Variants in C14orf180 observed in about 807,000 individuals in gnomAD.
C14orf180 encodes chromosome 14 open reading frame 180.
In C14orf180, 13 loss-of-function variants were observed where a neutral mutation model predicts 13.9. The observed-to-expected ratio is 0.94, with a 90% CI of 0.61 to 1.49. C14orf180 has a LOEUF of 1.49. C14orf180 is among the 40% of genes most tolerant of loss of function. C14orf180 has a pLI of 0.00. For synonymous variants in C14orf180, 113 were observed against 106.3 expected (o/e 1.06, Z -0.39); for missense variants, 238 against 232.0 (o/e 1.03, Z -0.17).
At chr14:104,585,169 G>A (rs1355817909) in intron 1 of C14orf180, among the ~76,000 whole-genome samples, 1 of 152,204 alleles carries the variant, frequency 6.6e-6, no homozygotes, top group Non-Finnish European at 1.5e-5. Context: ...GGGCAGGGGC[G>A]GCAGTACCCT....
At chr14:104,588,002 C>A in intron 3 of C14orf180, 124 bp downstream of exon 3, 1 of 1,260,074 alleles carries the variant, frequency 7.9e-7, no homozygotes, top group Non-Finnish European at 1.1e-6. Flanking sequence ...TGGCCACCTG[C>A]CTTCAGTGCC....
At chr14:104,582,567 ACTC>A in intron 1 of C14orf180, among the ~76,000 whole-genome samples, 1 of 151,304 alleles carries the variant, frequency 6.6e-6, no homozygotes, top group Admixed American at 6.6e-5. Flanking sequence ...CCGGGCCCTG[ACTC>A]CCGCCTCTGT....
intron 1 of C14orf180, among the ~76,000 whole-genome samples, chr14:104,580,292 G>A (rs368515257): frequency 6.6e-4 from 100 of 152,318 alleles, no homozygotes; most frequent in Middle Eastern, 3.4e-3. Flanking sequence ...TCCTGGGACT[G>A]ATGGTTTCCC....
At chr14:104,583,074 G>A (rs1886492390) in intron 1 of C14orf180, among the ~76,000 whole-genome samples, 1 of 152,250 alleles carries the variant, frequency 6.6e-6, no homozygotes, top group African/African-American at 2.4e-5. Context: ...AGTTAGGGAG[G>A]GGATGGCAGG....
At position 104,587,771 on chromosome 14, in the gene C14orf180, C is replaced by T. The variant is rs766243629; in HGVS notation, c.134C>T (p.Pro45Leu). The change falls in exon 3 of 5, where the codon CCC (proline) becomes CTC (leucine). Residue 45 changes from proline (P) to leucine (L), a missense_variant. Transcript: ENST00000557649. The part of the protein sequence containing the change: ...AEREDNRKCP[P>L]SILKRSRPEH... The stretch of plus-strand genomic sequence containing the variant: ...CAGGAGGACAACAGGAAGTGCCCCC[C>T]CTCCATCCTGAAACGGAGCCGGCCG... 5.0e-6 allele frequency: 8 copies of T among 1,612,744 alleles called. No homozygotes were observed. The highest frequency in any genetic ancestry group is 6.8e-6 in the Non-Finnish European group (8 of 1,179,610).
Position 104,588,267 on chromosome 14 carries a change from T to C in C14orf180, c.242-7T>C, listed in dbSNP as rs376633325. 27 of 1,613,814 alleles carry C rather than the reference T, an allele frequency of 1.7e-5. No homozygotes were observed. The African/African-American group carries it at 2.5e-4, about 15-fold the overall frequency. ...GCCCCCAGCTGACTCTCCATTCTCT[T>C]TCGCAGACATTGCTGACAAGAACGC... On this transcript the variant is annotated splice_polypyrimidine_tract_variant and splice_region_variant and intron_variant, in intron 3 of 4. Coordinates refer to ENST00000557649, the MANE Select transcript of C14orf180 (RefSeq NM_001008404.3).
At position 104,590,316 on chromosome 14, in the gene C14orf180, C is replaced by T. The variant is rs1467129312; in HGVS notation, c.*1533C>T. On this transcript the variant is annotated 3_prime_UTR_variant, in exon 5 of 5. Transcript: ENST00000557649. ...TTCTGGATGCAGAAGCAGCGGCTCC[C>T]AGAGGTTGGGTCTCTCAGAGCAGTC... 6.6e-6 allele frequency: 1 copy of T among 152,070 alleles called. No homozygotes were observed. The highest frequency in any genetic ancestry group is 1.5e-5 in the Non-Finnish European group (1 of 68,008). 9.4% of individuals were successfully genotyped at this position (152,070 alleles called of 1,614,324 possible).
intron 3 of C14orf180, 55 bp downstream of exon 3, chr14:104,587,933 G>A (rs1263171212): frequency 1.3e-6 from 2 of 1,552,728 alleles, no homozygotes; most frequent in Non-Finnish European, 1.7e-6. Flanking sequence ...AGCAGAGGGA[G>A]GCGGGGACAC....
chr14:104,581,854 G>A (rs1049551653), intron 1 of C14orf180, among the ~76,000 whole-genome samples: 1 of 152,138 alleles, frequency 6.6e-6, no homozygotes, highest in Non-Finnish European at 1.5e-5. Flanking sequence ...CTCAGGCCCC[G>A]GGACCCTCTG....
chr14:104,587,892 C>A lies in C14orf180; in HGVS notation c.241+14C>A. Reference sequence around the variant, plus strand: ...TGACCGTCCACTGTAAGAGGGCACCCGCAGCAAGCAGCTGGGAGAGGGTGG... The same window carrying A: ...TGACCGTCCACTGTAAGAGGGCACCAGCAGCAAGCAGCTGGGAGAGGGTGG... On this transcript the variant is annotated intron_variant, in intron 3 of 4. Transcript: ENST00000557649. The A allele has an allele frequency of 6.3e-7, 1 of 1,596,084 alleles. No homozygotes were observed. The highest frequency in any genetic ancestry group is 1.1e-5 in the South Asian group (1 of 88,996).
intron 3 of C14orf180, 32 bp from the exon 4 acceptor site, chr14:104,588,242 G>A (rs200465379): frequency 3.9e-4 from 633 of 1,613,620 alleles, no homozygotes; most frequent in Non-Finnish European, 5.2e-4. Context: ...TGAGGCAGGT[G>A]CCCCCAGCTG....
chr14:104,582,854 A>C (rs1007161519), intron 1 of C14orf180, among the ~76,000 whole-genome samples: 1 of 152,146 alleles, frequency 6.6e-6, no homozygotes, highest in Non-Finnish European at 1.5e-5. Flanking sequence ...ATCTGTCACG[A>C]GGCCTCCAGT....
In C14orf180 at chr14:104,582,864, T is replaced by C. The variant is rs1228406121; in HGVS notation, c.-17+2861T>C. The stretch of plus-strand genomic sequence containing the variant: ...CTCCCATCTGTCACGAGGCCTCCAG[T>C]TACACACTGTCCCTGCCAGAGGCCC... On this transcript the variant is annotated intron_variant, in intron 1 of 4. Coordinates refer to ENST00000557649, the MANE Select transcript of C14orf180 (RefSeq NM_001008404.3). Among the ~76,000 whole-genome samples the C allele has an allele frequency of 6.6e-5, 10 of 152,254 alleles. 1 individual carries two copies. In the South Asian group the frequency reaches 2.1e-3, roughly 32 times the overall value.
At chr14:104,588,536 T>TCG (rs1165342928) in intron 4 of C14orf180, 42 bp from the exon 5 acceptor site, 1 of 1,443,760 alleles carries the variant, frequency 6.9e-7, no homozygotes, top group Admixed American at 2.8e-5. Flanking sequence ...CAGGGAAGGG[T>TCG]CGCGCTGGCT....
chr14:104,584,559 CTG>C (rs1028164532), intron 1 of C14orf180, among the ~76,000 whole-genome samples: 1 of 152,204 alleles, frequency 6.6e-6, no homozygotes, highest in African/African-American at 2.4e-5. Flanking sequence ...GCCTGGCACT[CTG>C]TGGCTTCCCT....
In C14orf180 at chr14:104,588,707, G is replaced by A. The variant is rs564744283; in HGVS notation, c.407G>A (p.Arg136Gln). 224 of 1,535,672 alleles carry A rather than the reference G, an allele frequency of 1.5e-4. No individual in the cohort carries two copies. The highest frequency in any genetic ancestry group is 5.0e-4 in the South Asian group (42 of 83,972). The change falls in exon 5 of 5, where the codon CGG becomes CAG. Residue 136 changes from arginine to glutamine, a missense_variant. Coordinates refer to ENST00000557649, the MANE Select transcript of C14orf180 (RefSeq NM_001008404.3). Reference sequence around the variant, plus strand: ...GTGGCAACGGCACTGGAGGACCTGCGGGCCCGGCTCCTCGGCCTTGTCCTG... The same window carrying A: ...GTGGCAACGGCACTGGAGGACCTGCAGGCCCGGCTCCTCGGCCTTGTCCTG... ...KPVATALEDL[R>Q]ARLLGLVLHL...
At chr14:104,586,594 C>A in intron 2 of C14orf180, 53 bp downstream of exon 2, 3 of 1,191,386 alleles carry the variant, frequency 2.5e-6, no homozygotes, top group South Asian at 1.6e-5. Context: ...CCACTGGGGG[C>A]TGGAGGGGGC....
At chr14:104,582,095 C>T (rs895356686) in intron 1 of C14orf180, among the ~76,000 whole-genome samples, 7 of 152,142 alleles carry the variant, frequency 4.6e-5, no homozygotes, top group Non-Finnish European at 1.0e-4. Flanking sequence ...CTGCCCGCCC[C>T]GAGGAACCCT....
In C14orf180 at chr14:104,588,598, C is replaced by T; in HGVS notation, c.298C>T (p.His100Tyr). 3 of 1,466,614 alleles carry T rather than the reference C, an allele frequency of 2.0e-6. No individual in the cohort carries two copies. Among genetic ancestry groups the T allele is most frequent in the Admixed American group, 2.4e-5 (1 of 41,836 alleles). 90.9% of individuals were successfully genotyped at this position (1,466,614 alleles called of 1,614,324 possible). A position where few individuals can be genotyped will look rare whatever the true frequency, so the allele number is the denominator to read the frequency against. ...TVRVPGRPRP[H>Y]GGSLLLQLCV... ...CGCAGTGCCCGGCCGGCCCAGGCCA[C>T]ACGGCGGCTCCCTGCTCCTGCAGCT... The change falls in exon 5 of 5, where the codon CAC (histidine) becomes TAC (tyrosine). Residue 100 changes from histidine to tyrosine, a missense_variant. His to Tyr is a moderately conservative substitution (Grantham distance 83). Transcript: ENST00000557649.
Sources: allele counts gnomAD v4.1 joint callset (sites outside exome capture counted in the v4.1 genomes callset), GRCh38; gene constraint gnomAD v4.1.1; transcripts MANE v1.5; gene names NCBI Gene and HGNC (gene_info 2026-07-23, HGNC 2026-07-21).